BNC2: variants seen among roughly 807,000 people sequenced by gnomAD.
BNC2 encodes zinc finger protein basonuclin-2.
A neutral mutation model predicts 76.3 loss-of-function variants in BNC2; 20 were observed. The observed-to-expected ratio is 0.26, with a 90% confidence interval of 0.18 to 0.38. BNC2 has a LOEUF of 0.38. Ranked by LOEUF, BNC2 falls within the 10% of genes least tolerant of loss-of-function variation. The pLI, the probability that BNC2 is intolerant of heterozygous loss-of-function variation, is 1.00. For missense variants in BNC2, 1,382 were observed against 1,399.8 expected (o/e 0.99, Z 0.20); for synonymous variants, 582 against 514.8 (o/e 1.13, Z -1.77).
intron 5 of BNC2, among the ~76,000 whole-genome samples, chr9:16,514,789 A>G (rs926957940): frequency 6.6e-6 from 1 of 152,200 alleles, no homozygotes; most frequent in South Asian, 2.1e-4. Context: ...ATTGAAAAAC[A>G]AACAAACAAA....
intron 1 of BNC2, among the ~76,000 whole-genome samples, chr9:16,850,183 C>T (rs1309828598): frequency 6.6e-6 from 1 of 152,170 alleles, no homozygotes; most frequent in Non-Finnish European, 1.5e-5. Context: ...CCTTCTCAGG[C>T]TCCAAAATTT....
intron 3 of BNC2, among the ~76,000 whole-genome samples, chr9:16,644,182 G>A (rs1453731290): frequency 1.3e-5 from 2 of 152,104 alleles, no homozygotes; most frequent in African/African-American, 4.8e-5. Flanking sequence ...AGATATTCCA[G>A]AGAGATATTT....
At chr9:16,768,408 A>G (rs1300770122) in intron 1 of BNC2, among the ~76,000 whole-genome samples, 2 of 152,198 alleles carry the variant, frequency 1.3e-5, no homozygotes, top group Non-Finnish European at 2.9e-5. Flanking sequence ...GGAGTGTTAC[A>G]AGAAACTGAG....
intron 1 of BNC2, among the ~76,000 whole-genome samples, chr9:16,799,695 T>TA (rs1168167218): frequency 1.3e-5 from 2 of 152,080 alleles, no homozygotes; most frequent in African/African-American, 4.8e-5. Flanking sequence ...GCTAACTACA[T>TA]AAAAAATGCA....
At chr9:16,435,529 G>A (rs1820989300) in intron 6 of BNC2, 26 bp downstream of exon 6, 2 of 1,612,756 alleles carry the variant, frequency 1.2e-6, no homozygotes, top group Non-Finnish European at 1.7e-6. Flanking sequence ...ACCCCCAGCA[G>A]GAGCAGCCAA....
At position 16,748,922 on chromosome 9, in the gene BNC2, C is replaced by CTATATATATA. The variant is rs34314862; in HGVS notation, c.4-10447_4-10438dup. On this transcript the variant is annotated intron_variant, in intron 1 of 6. Transcript: ENST00000380672. ...TCTGTACTTTTTTTCACTTTTTATA[C>CTATATATATA]TATATATATATATATATATATATAT... is the stretch of plus-strand genomic sequence containing the variant. 7.5e-3 allele frequency among the ~76,000 whole-genome samples: 974 copies of CTATATATATA among 130,472 alleles called. 10 individuals carry two copies. The highest frequency in any genetic ancestry group is 0.026 in the African/African-American group (847 of 32,336). 85.6% of individuals were successfully genotyped at this position (130,472 alleles called of 152,430 possible).
chr9:16,775,324 T>C (rs1050250492), intron 1 of BNC2, among the ~76,000 whole-genome samples: 14 of 151,844 alleles, frequency 9.2e-5, no homozygotes, highest in Middle Eastern at 3.4e-3. Context: ...AGAAGAGCAA[T>C]ATACAGAAGT....
At chr9:16,703,707 T>C (rs1206278245) in intron 3 of BNC2, among the ~76,000 whole-genome samples, 1 of 152,166 alleles carries the variant, frequency 6.6e-6, no homozygotes, top group African/African-American at 2.4e-5. Flanking sequence ...TTTTATAAGA[T>C]ATATATAACA....
chr9:16,554,683 C>T (rs1463394176), intron 4 of BNC2, among the ~76,000 whole-genome samples: 1 of 152,176 alleles, frequency 6.6e-6, no homozygotes, highest in East Asian at 1.9e-4. Flanking sequence ...TACAGCTTAA[C>T]TACTCAGCCT....
chr9:16,465,434 C>CAAAAAAAAAAAAAAAAA (rs34834563), intron 5 of BNC2, among the ~76,000 whole-genome samples: 2 of 84,290 alleles, frequency 2.4e-5, no homozygotes, highest in Non-Finnish European at 2.3e-5. Flanking sequence ...ACTCCAACTC[C>CAAAAAAAAAAAAAAAAA]AAAAAAAAAA....
Position 16,443,723 on chromosome 9 carries a change from G to C in BNC2, c.670-6199C>G, listed in dbSNP as rs564135896. The stretch of plus-strand genomic sequence containing the variant: ...CGACTCTTCAAAAGCATTATGCTAA[G>C]AATGAAAGACGTTAGACCCAAAGAC... On this transcript the variant is annotated intron_variant, in intron 5 of 6. Transcript: ENST00000380672. Among the ~76,000 whole-genome samples, 3 of 152,266 alleles carry C rather than the reference G, an allele frequency of 2.0e-5. No individual in the cohort carries two copies. In the East Asian group the frequency reaches 5.8e-4, roughly 29 times the overall value.
At chr9:16,677,155 T>G (rs1259206269) in intron 3 of BNC2, among the ~76,000 whole-genome samples, 1 of 152,210 alleles carries the variant, frequency 6.6e-6, no homozygotes, top group Non-Finnish European at 1.5e-5. Flanking sequence ...CAACAATGCA[T>G]TCACTATTAG....
At chr9:16,509,101 C>T (rs1822696802) in intron 5 of BNC2, among the ~76,000 whole-genome samples, 2 of 152,248 alleles carry the variant, frequency 1.3e-5, no homozygotes, top group African/African-American at 2.4e-5. Flanking sequence ...ATTGAGATTA[C>T]AACCGTAAGC....
At chr9:16,840,444 C>T (rs1818798931) in intron 1 of BNC2, among the ~76,000 whole-genome samples, 1 of 152,212 alleles carries the variant, frequency 6.6e-6, no homozygotes, top group Admixed American at 6.5e-5. Context: ...CTAGCTGTCA[C>T]TCAAAAGTTC....
At chr9:16,701,174 T>C (rs1823500598) in intron 3 of BNC2, among the ~76,000 whole-genome samples, 1 of 152,204 alleles carries the variant, frequency 6.6e-6, no homozygotes, top group Non-Finnish European at 1.5e-5. Flanking sequence ...TCTTTTCATC[T>C]AGAACAACTC....
chr9:16,611,834 AT>A (rs34657596), intron 3 of BNC2, among the ~76,000 whole-genome samples: 132,347 of 151,990 alleles, frequency 0.87, 58,593 homozygotes, highest in East Asian at 0.98. Flanking sequence ...ATTTAACAAA[AT>A]TTTTGAAAAT....
intron 1 of BNC2, among the ~76,000 whole-genome samples, chr9:16,830,251 T>C (rs1234647366): frequency 2.0e-5 from 3 of 152,218 alleles, no homozygotes; most frequent in Admixed American, 2.0e-4. Flanking sequence ...AGTTATCAGC[T>C]TGGCTAAGGC....
chr9:16,560,507 T>G (rs886074883), intron 4 of BNC2, among the ~76,000 whole-genome samples: 1 of 151,766 alleles, frequency 6.6e-6, no homozygotes, highest in African/African-American at 2.4e-5. Flanking sequence ...AAGATAGGAA[T>G]TGGAGATCTG....
chr9:16,854,808 T>C (rs1586938362), intron 1 of BNC2, among the ~76,000 whole-genome samples: 1 of 151,576 alleles, frequency 6.6e-6, no homozygotes. Context: ...ACAAGGGCAA[T>C]GGTAGCAGAA....
Sources: gnomAD v4.1 joint callset for allele counts (sites outside exome capture counted in the v4.1 genomes callset) on GRCh38, gnomAD v4.1.1 for gene constraint, MANE v1.5 for transcripts, NCBI Gene and HGNC (gene_info 2026-07-23, HGNC 2026-07-21) for gene names.